The following DLG2 variants were observed in gnomAD, a reference collection of about 807,000 sequenced individuals.
DLG2 encodes the protein discs large MAGUK scaffold protein 2.
Under a neutral mutation model 132.5 loss-of-function variants are expected in DLG2, and 45 were observed. That is an observed-to-expected ratio of 0.34 (90% CI 0.27 to 0.44). The LOEUF (loss-of-function observed/expected upper bound fraction) is 0.44, where lower values mean the gene tolerates loss of function less well. Ranked by LOEUF, DLG2 falls within the 20% of genes least tolerant of loss-of-function variation. The pLI is 1.00. For synonymous variants in DLG2, 424 were observed against 419.6 expected (o/e 1.01, Z -0.13); for missense variants, 1,045 against 1,196.9 (o/e 0.87, Z 1.87).
intron 19 of DLG2, among the ~76,000 whole-genome samples, chr11:83,558,435 G>C (rs938886851): frequency 3.9e-5 from 6 of 152,028 alleles, no homozygotes; most frequent in Non-Finnish European, 5.9e-5. Flanking sequence ...CCTGTTATCT[G>C]TTAGTATGGT....
chr11:84,068,621 A>C (rs2096713183), intron 10 of DLG2, among the ~76,000 whole-genome samples: 1 of 152,236 alleles, frequency 6.6e-6, no homozygotes. Flanking sequence ...AGATAAACAC[A>C]TACATTTTAG....
At chr11:84,161,025 G>T (rs1449045793) in intron 9 of DLG2, among the ~76,000 whole-genome samples, 1 of 152,182 alleles carries the variant, frequency 6.6e-6, no homozygotes, top group Non-Finnish European at 1.5e-5. Flanking sequence ...TATAAGAATT[G>T]CTAGAAAGTC....
At chr11:85,375,688 T>A (rs2085348824) in intron 3 of DLG2, among the ~76,000 whole-genome samples, 1 of 152,234 alleles carries the variant, frequency 6.6e-6, no homozygotes, top group Admixed American at 6.5e-5. Flanking sequence ...AGTCTAAAAG[T>A]CACTGATCTA....
intron 5 of DLG2, 42 bp from the exon 6 acceptor site, chr11:85,111,777 G>A (rs147313498): frequency 2.0e-5 from 29 of 1,422,132 alleles, no homozygotes; most frequent in Admixed American, 2.0e-5. Context: ...ATTTATTATG[G>A]GCCAGTATGT....
chr11:85,120,405 G>T (rs1309867028), intron 5 of DLG2, among the ~76,000 whole-genome samples: 1 of 151,946 alleles, frequency 6.6e-6, no homozygotes, highest in African/African-American at 2.4e-5. Context: ...TAAGAGACTT[G>T]CAAGAAAACA....
chr11:85,001,963 AAAAAATAAATTCTC>A (rs944119303), intron 6 of DLG2, among the ~76,000 whole-genome samples: 24 of 152,286 alleles, frequency 1.6e-4, no homozygotes, highest in African/African-American at 5.3e-4. Flanking sequence ...CAACTTCCCT[AAAAAATAAATTCTC>A]TTAAAAAATG....
chr11:84,513,279 G>C (rs1245070845), intron 7 of DLG2, among the ~76,000 whole-genome samples: 2 of 151,870 alleles, frequency 1.3e-5, no homozygotes, highest in African/African-American at 4.8e-5. Flanking sequence ...TACAAATTCA[G>C]TGAAATTCCT....
intron 3 of DLG2, among the ~76,000 whole-genome samples, chr11:85,361,412 C>A (rs1418573731): frequency 6.6e-6 from 1 of 152,052 alleles, no homozygotes; most frequent in Non-Finnish European, 1.5e-5. Context: ...GTACCCATCA[C>A]CCAATACTGA....
At chr11:83,877,519 C>G (rs1434600130) in intron 15 of DLG2, among the ~76,000 whole-genome samples, 2 of 152,112 alleles carry the variant, frequency 1.3e-5, no homozygotes, top group African/African-American at 2.4e-5. Context: ...TACCTTATAA[C>G]TAATTATTTT....
At chr11:84,054,418 A>C (rs2096461747) in intron 11 of DLG2, among the ~76,000 whole-genome samples, 1 of 152,014 alleles carries the variant, frequency 6.6e-6, no homozygotes. Flanking sequence ...GGATTTGCCT[A>C]ATACTTTCTT....
At chr11:84,392,321 A>T (rs1236592813) in intron 7 of DLG2, among the ~76,000 whole-genome samples, 1 of 152,182 alleles carries the variant, frequency 6.6e-6, no homozygotes, top group Non-Finnish European at 1.5e-5. Flanking sequence ...TCAGTTTTGA[A>T]TTAAACTGAT....
intron 3 of DLG2, among the ~76,000 whole-genome samples, chr11:85,455,540 G>T (rs934566404): frequency 6.6e-6 from 1 of 152,064 alleles, no homozygotes; most frequent in South Asian, 2.1e-4. Context: ...GACTCCTTGG[G>T]CCAGGACTAC....
At chr11:83,822,270 C>T (rs1204504061) in intron 17 of DLG2, among the ~76,000 whole-genome samples, 1 of 152,162 alleles carries the variant, frequency 6.6e-6, no homozygotes, top group Non-Finnish European at 1.5e-5. Flanking sequence ...TTTATTCTCT[C>T]AGGCCTAGGC....
chr11:83,811,433 T>G (rs1380943215), intron 17 of DLG2, among the ~76,000 whole-genome samples: 1 of 152,102 alleles, frequency 6.6e-6, no homozygotes, highest in African/African-American at 2.4e-5. Context: ...CAACTTCATA[T>G]GGTTCAGCCT....
At chr11:84,935,759 G>C (rs2048669774) in intron 6 of DLG2, among the ~76,000 whole-genome samples, 1 of 152,282 alleles carries the variant, frequency 6.6e-6, no homozygotes, top group South Asian at 2.1e-4. Context: ...CGTCACTAAT[G>C]CTGAGATTAG....
chr11:85,041,860 A>G (rs1398574734), intron 6 of DLG2, among the ~76,000 whole-genome samples: 1 of 151,944 alleles, frequency 6.6e-6, no homozygotes, highest in Non-Finnish European at 1.5e-5. Flanking sequence ...AAAATCAAAG[A>G]TGAGCAGCTC....
At chr11:84,378,683 C>T (rs2098738591) in intron 7 of DLG2, among the ~76,000 whole-genome samples, 1 of 151,782 alleles carries the variant, frequency 6.6e-6, no homozygotes, top group African/African-American at 2.4e-5. Flanking sequence ...GTAATCTCAG[C>T]AGTTTGGGTG....
intron 6 of DLG2, among the ~76,000 whole-genome samples, chr11:84,703,886 ACGTGTGTG>A (rs2059494041): frequency 8.8e-6 from 1 of 114,200 alleles, no homozygotes; most frequent in African/African-American, 4.6e-5. Flanking sequence ...ATATATATAC[ACGTGTGTG>A]TGTGTGTGTG....
chr11:84,849,239 G>A (rs1392902290), intron 6 of DLG2, among the ~76,000 whole-genome samples: 1 of 152,162 alleles, frequency 6.6e-6, no homozygotes, highest in Non-Finnish European at 1.5e-5. Flanking sequence ...AGAACACTGA[G>A]AGATAATAAA....
Sources: gnomAD v4.1 joint callset for allele counts (sites outside exome capture counted in the v4.1 genomes callset) on GRCh38, gnomAD v4.1.1 for gene constraint, MANE v1.5 for transcripts, NCBI Gene and HGNC (gene_info 2026-07-23, HGNC 2026-07-21) for gene names.